Variants in NRXN1 observed in about 807,000 individuals in gnomAD.
NRXN1 encodes neurexin-1.
In NRXN1, 39 loss-of-function variants were observed where a neutral mutation model predicts 150.9. That is an observed-to-expected ratio of 0.26 (90% CI 0.20 to 0.34). NRXN1 has a LOEUF of 0.34. Among genes scored for constraint, NRXN1 ranks in the 10% least tolerant of loss-of-function variants. NRXN1 has a pLI of 1.00. For missense variants in NRXN1, 1,815 were observed against 1,949.9 expected, an observed-to-expected ratio of 0.93 and a Z score of 1.30; for synonymous variants, 924 against 757.0, an observed-to-expected ratio of 1.22 and a Z score of -3.62.
chr2:50,184,909 G>C (rs764067054), intron 18 of NRXN1, among the ~76,000 whole-genome samples: 1 of 152,106 alleles, frequency 6.6e-6, no homozygotes, highest in South Asian at 2.1e-4. Flanking sequence ...GCTAGTAAGT[G>C]ACAGAGGTAG....
At chr2:50,345,749 A>G (rs1284768814) in intron 17 of NRXN1, among the ~76,000 whole-genome samples, 1 of 152,192 alleles carries the variant, frequency 6.6e-6, no homozygotes, top group Non-Finnish European at 1.5e-5. Flanking sequence ...TTTCAAAGGG[A>G]CAGGGCATTA....
intron 2 of NRXN1, among the ~76,000 whole-genome samples, chr2:50,942,182 T>A (rs1025192807): frequency 6.6e-6 from 1 of 151,994 alleles, no homozygotes; most frequent in Non-Finnish European, 1.5e-5. Context: ...AAGACAAGAG[T>A]TGAGCTTTGG....
intron 17 of NRXN1, among the ~76,000 whole-genome samples, chr2:50,447,283 G>T (rs2086500930): frequency 6.6e-6 from 1 of 151,780 alleles, no homozygotes; most frequent in South Asian, 2.1e-4. Context: ...AGATCAGCCT[G>T]GCCAACATGG....
intron 5 of NRXN1, among the ~76,000 whole-genome samples, chr2:50,920,949 T>C (rs1471964671): frequency 1.3e-5 from 2 of 151,758 alleles, no homozygotes; most frequent in African/African-American, 2.4e-5. Context: ...TCCTGCTAGA[T>C]GACACAAACA....
intron 17 of NRXN1, chr2:50,464,558 T>C (rs557256936): frequency 9.2e-5 from 14 of 151,948 alleles, no homozygotes; most frequent in Non-Finnish European, 2.9e-5. Flanking sequence ...TGCTACAAAA[T>C]CTAAACCTTC....
chr2:51,017,481 C>T (rs1341155355), intron 2 of NRXN1, among the ~76,000 whole-genome samples: 8 of 129,764 alleles, frequency 6.2e-5, no homozygotes, highest in African/African-American at 2.3e-4. Context: ...GACTACAATA[C>T]ACGTATGGCC....
intron 13 of NRXN1, among the ~76,000 whole-genome samples, chr2:50,499,384 G>A (rs1234330483): frequency 6.6e-6 from 1 of 151,960 alleles, no homozygotes; most frequent in African/African-American, 2.4e-5. Flanking sequence ...ATAAATAATT[G>A]TTTCGTCTCT....
chr2:50,144,807 T>C (rs1327528321), intron 18 of NRXN1, among the ~76,000 whole-genome samples: 2 of 151,784 alleles, frequency 1.3e-5, no homozygotes, highest in South Asian at 4.1e-4. Flanking sequence ...TTACCTATTT[T>C]TGGTTCTATA....
chr2:50,823,994 C>A (rs1670090788), intron 5 of NRXN1, among the ~76,000 whole-genome samples: 2 of 152,154 alleles, frequency 1.3e-5, no homozygotes, highest in African/African-American at 4.8e-5. Flanking sequence ...CAATGCCTCA[C>A]ACACACAATG....
chr2:50,504,923 C>T (rs1272178931), intron 13 of NRXN1, among the ~76,000 whole-genome samples: 1 of 152,156 alleles, frequency 6.6e-6, no homozygotes, highest in Non-Finnish European at 1.5e-5. Context: ...CTTGCATTAT[C>T]CTTTCTTTAA....
intron 17 of NRXN1, among the ~76,000 whole-genome samples, chr2:50,421,571 G>A (rs1417631089): frequency 6.6e-6 from 1 of 152,066 alleles, no homozygotes. Context: ...GCATATGGCT[G>A]TATCTTTTTA....
intron 15 of NRXN1, among the ~76,000 whole-genome samples, chr2:50,476,200 A>G (rs2089972720): frequency 6.6e-6 from 1 of 152,118 alleles, no homozygotes; most frequent in South Asian, 2.1e-4. Context: ...AATAATCTCA[A>G]TAATACCCTT....
chr2:50,585,387 T>C (rs907568537), intron 8 of NRXN1, among the ~76,000 whole-genome samples: 1 of 152,154 alleles, frequency 6.6e-6, no homozygotes, highest in Admixed American at 6.5e-5. Context: ...GAATATGTGG[T>C]GTTGTTTAAT....
At chr2:50,783,610 C>G (rs1409774222) in intron 5 of NRXN1, among the ~76,000 whole-genome samples, 2 of 152,160 alleles carry the variant, frequency 1.3e-5, no homozygotes, top group Non-Finnish European at 2.9e-5. Context: ...AAGGCATTCT[C>G]TATCTTTTCC....
At chr2:50,038,390 T>C (rs929318356) in intron 21 of NRXN1, among the ~76,000 whole-genome samples, 13 of 152,210 alleles carry the variant, frequency 8.5e-5, no homozygotes, top group Non-Finnish European at 1.3e-4. Flanking sequence ...TCATCTGTCC[T>C]GGAAGAAAAG....
chr2:50,343,593 T>A (rs775079042), intron 17 of NRXN1, among the ~76,000 whole-genome samples: 5 of 152,206 alleles, frequency 3.3e-5, no homozygotes, highest in African/African-American at 4.8e-5. Context: ...AAAATCCTCA[T>A]CATAATCTCT....
intron 19 of NRXN1, among the ~76,000 whole-genome samples, chr2:50,083,440 G>C (rs1214655575): frequency 6.6e-6 from 1 of 152,164 alleles, no homozygotes; most frequent in Non-Finnish European, 1.5e-5. Flanking sequence ...GTCCAGAATT[G>C]GTGGGTTCTT....
chr2:50,330,014 A>G (rs1001701272), intron 17 of NRXN1, among the ~76,000 whole-genome samples: 2 of 152,004 alleles, frequency 1.3e-5, no homozygotes, highest in Admixed American at 6.6e-5. Flanking sequence ...TATCTGTCCA[A>G]TATCAAAAAG....
At chr2:50,874,454 CAAG>C (rs1678263718) in intron 5 of NRXN1, among the ~76,000 whole-genome samples, 2 of 151,608 alleles carry the variant, frequency 1.3e-5, no homozygotes, top group African/African-American at 4.8e-5. Context: ...ACTGGTCACA[CAAG>C]GAGAAAGGGG....
Sources: allele counts gnomAD v4.1 joint callset (sites outside exome capture counted in the v4.1 genomes callset), GRCh38; gene constraint gnomAD v4.1.1; transcripts MANE v1.5; gene names NCBI Gene and HGNC (gene_info 2026-07-23, HGNC 2026-07-21).